TULP4: variants seen among roughly 807,000 people sequenced by gnomAD.
TULP4 encodes the protein TUB like protein 4, also known as tubby-related protein 4.
TULP4 carries 16 observed loss-of-function variants against 129.0 expected under a neutral mutation model. That is an observed-to-expected ratio of 0.12 (90% CI 0.08 to 0.19). The LOEUF (loss-of-function observed/expected upper bound fraction) is 0.19, where lower values mean the gene tolerates loss of function less well. Ranked by LOEUF, TULP4 falls within the 10% of genes least tolerant of loss-of-function variation. The pLI is 1.00. For synonymous variants in TULP4, 998 were observed against 854.0 expected, an observed-to-expected ratio of 1.17 and a Z score of -2.94; for missense variants, 1,842 against 2,059.1, an observed-to-expected ratio of 0.89 and a Z score of 2.04.
At chr6:158,259,636 C>T (rs1180298472) in intron 1 of TULP4, among the ~76,000 whole-genome samples, 4 of 152,212 alleles carry the variant, frequency 2.6e-5, no homozygotes, top group African/African-American at 4.8e-5. Context: ...CACTTCAACT[C>T]GGTTCTGACA....
At position 158,510,926 on chromosome 6, in the gene TULP4, A is replaced by C. The variant is rs1279449564; in HGVS notation, c.*4232A>C. ...GTCCATGGTGTCGCTGTGTGCCTGT[A>C]TCATTTGGCCAAGTCAATGGTTGTA... On this transcript the variant is annotated 3_prime_UTR_variant, in exon 14 of 14. Coordinates refer to ENST00000367097, the MANE Select transcript of TULP4 (RefSeq NM_020245.5). The C allele has an allele frequency of 6.6e-6, 1 of 152,250 alleles. No individual in the cohort carries two copies. 9.4% of individuals were successfully genotyped at this position (152,250 alleles called of 1,614,324 possible). A position where few individuals can be genotyped will look rare whatever the true frequency, so the allele number is the denominator to read the frequency against.
chr6:158,368,152 T>G (rs1776980722), intron 1 of TULP4, among the ~76,000 whole-genome samples: 1 of 151,976 alleles, frequency 6.6e-6, no homozygotes, highest in Non-Finnish European at 1.5e-5. Context: ...TAAATTTTCT[T>G]TCTGTGATTC....
chr6:158,391,548 TTCAC>T (rs1423054146), intron 1 of TULP4, among the ~76,000 whole-genome samples: 1 of 152,212 alleles, frequency 6.6e-6, no homozygotes, highest in Non-Finnish European at 1.5e-5. Context: ...AGTGACATTT[TTCAC>T]TAAGACAAAA....
rs758842987 is a variant in TULP4 at position 158,429,904 on chromosome 6, CT to C, written c.543+9del. 7 of 1,612,804 alleles carry C rather than the reference CT, an allele frequency of 4.3e-6. No homozygotes were observed. Among genetic ancestry groups the C allele is most frequent in the Non-Finnish European group, 5.9e-6 (7 of 1,179,482 alleles). On this transcript the variant is annotated splice_region_variant and intron_variant, in intron 3 of 13. Coordinates refer to ENST00000367097, the MANE Select transcript of TULP4 (RefSeq NM_020245.5). The stretch of plus-strand genomic sequence containing the variant: ...GACTCCTGACGACCAACAGGTAACA[CT>C]TCTGAAATGTGGTGGGTGTGTGACG...
chr6:158,317,828 T>C (rs1229428353), intron 1 of TULP4, among the ~76,000 whole-genome samples: 1 of 152,228 alleles, frequency 6.6e-6, no homozygotes, highest in African/African-American at 2.4e-5. Flanking sequence ...TGTTGTTTCC[T>C]GACTTTTTAA....
intron 3 of TULP4, among the ~76,000 whole-genome samples, chr6:158,444,035 C>A (rs539122849): frequency 2.6e-4 from 40 of 151,568 alleles, no homozygotes; most frequent in African/African-American, 9.2e-4. Flanking sequence ...CTGGCTAACA[C>A]GGTGAAACCC....
intron 8 of TULP4, among the ~76,000 whole-genome samples, chr6:158,487,234 G>A (rs1462407879): frequency 5.3e-5 from 8 of 152,124 alleles, no homozygotes; most frequent in Non-Finnish European, 1.0e-4. Context: ...ACTCCAGCCT[G>A]GGTGACAGAG....
In TULP4 at chr6:158,313,234, G is replaced by A; in HGVS notation, c.-783G>A. Reference sequence around the variant, plus strand: ...ATGGCACTGAGGGGTGCGCCGGCTGGTGGAGGAGCAGTCCGATGGAGCCCT... The same window carrying A: ...ATGGCACTGAGGGGTGCGCCGGCTGATGGAGGAGCAGTCCGATGGAGCCCT... On this transcript the variant is annotated 5_prime_UTR_variant, in exon 1 of 14. The change creates a new upstream start codon in the 5' untranslated region. Coordinates refer to ENST00000367097, the MANE Select transcript of TULP4 (RefSeq NM_020245.5). 2.8e-6 allele frequency: 1 copy of A among 359,044 alleles called. No homozygotes were observed. Among genetic ancestry groups the A allele is most frequent in the Non-Finnish European group, 4.9e-6 (1 of 202,168 alleles). 22.2% of individuals were successfully genotyped at this position (359,044 alleles called of 1,614,324 possible). A position where few individuals can be genotyped will look rare whatever the true frequency, so the allele number is the denominator to read the frequency against.
chr6:158,313,906 A>T lies in TULP4; in HGVS notation c.-111A>T. 2 of 1,301,918 alleles carry T rather than the reference A, an allele frequency of 1.5e-6. No individual in the cohort carries two copies. The highest frequency in any genetic ancestry group is 2.1e-6 in the Non-Finnish European group (2 of 963,616). The allele number at this position is 1,301,918 out of a possible 1,614,324, so 80.6% of individuals were successfully genotyped here. A position where few individuals can be genotyped will look rare whatever the true frequency, so the allele number is the denominator to read the frequency against. ...TCAGGTCAGTCTTAATTAAAGGGGGAAAAAAGCAACGCAAGCCAACCACAA... is the reference window on the plus strand; with the variant it reads ...TCAGGTCAGTCTTAATTAAAGGGGGTAAAAAGCAACGCAAGCCAACCACAA... On this transcript the variant is annotated 5_prime_UTR_variant, in exon 1 of 14. Transcript: ENST00000367097.
Position 158,507,193 on chromosome 6 carries a change from T to C in TULP4, c.*499T>C, listed in dbSNP as rs1254354582. The C allele has an allele frequency of 6.2e-6, 1 of 160,290 alleles. No homozygotes were observed. Among genetic ancestry groups the C allele is most frequent in the Non-Finnish European group, 1.4e-5 (1 of 72,114 alleles). 9.9% of individuals were successfully genotyped at this position (160,290 alleles called of 1,614,324 possible). ...GACAGCATTTGATTTACACTGATTA[T>C]GTTACTCCCCAAAAGGTGACTTAAT... On this transcript the variant is annotated 3_prime_UTR_variant, in exon 14 of 14. Coordinates refer to ENST00000367097, the MANE Select transcript of TULP4 (RefSeq NM_020245.5).
chr6:158,424,988 C>T (rs987093654), intron 2 of TULP4, among the ~76,000 whole-genome samples: 2 of 150,964 alleles, frequency 1.3e-5, no homozygotes, highest in Non-Finnish European at 2.9e-5. Context: ...CCCGTCTCTA[C>T]TAAAAATACA....
At position 158,300,956 on chromosome 6, in the gene TULP4, C is replaced by T. The variant is rs534295428; in HGVS notation, n.117-11095C>T. ...TGGAACTCCTGAGCTTCTCGGATTG[C>T]AATAGAGACCAGTCGACCTTATCGT... On this transcript the variant is annotated intron_variant and non_coding_transcript_variant, in intron 1 of 1. Coordinates refer to the TULP4 transcript ENST00000432358. 2.0e-5 allele frequency among the ~76,000 whole-genome samples: 3 copies of T among 152,244 alleles called. No individual in the cohort carries two copies. In the East Asian group the frequency reaches 5.8e-4, roughly 29 times the overall value.
intron 1 of TULP4, among the ~76,000 whole-genome samples, chr6:158,371,925 C>T (rs920037834): frequency 2.0e-5 from 3 of 152,150 alleles, no homozygotes; most frequent in African/African-American, 7.2e-5. Context: ...GGTGATCCTC[C>T]CACCTCAGCC....
At position 158,429,200 on chromosome 6, in the gene TULP4, G is replaced by T. The variant is rs576580038; in HGVS notation, c.382-536G>T. On this transcript the variant is annotated intron_variant, in intron 2 of 13. Coordinates refer to ENST00000367097, the MANE Select transcript of TULP4 (RefSeq NM_020245.5). The stretch of plus-strand genomic sequence containing the variant: ...GTTGCCCAGGCTGGAGTGCAGTGGC[G>T]CTATCTTGGCTCACTGCAACCTCTT... Among the ~76,000 whole-genome samples the T allele has an allele frequency of 2.6e-5, 4 of 152,228 alleles. No individual in the cohort carries two copies. The East Asian group carries it at 7.7e-4, about 29-fold the overall frequency.
At chr6:158,319,878 G>A (rs994577026) in intron 1 of TULP4, among the ~76,000 whole-genome samples, 3 of 152,272 alleles carry the variant, frequency 2.0e-5, no homozygotes, top group South Asian at 2.1e-4. Context: ...TTCTTATCCT[G>A]TGATACATAG....
intron 11 of TULP4, 128 bp from the exon 12 acceptor site, chr6:158,498,541 C>A: frequency 8.5e-7 from 1 of 1,172,960 alleles, no homozygotes; most frequent in Non-Finnish European, 1.2e-6. Flanking sequence ...CCTCTGGGCC[C>A]TGCCTACACA....
intron 1 of TULP4, among the ~76,000 whole-genome samples, chr6:158,363,740 C>T (rs1780853575): frequency 6.6e-6 from 1 of 152,160 alleles, no homozygotes; most frequent in African/African-American, 2.4e-5. Flanking sequence ...CCCCCCCGGC[C>T]TCCCAAAGTG....
At chr6:158,391,404 G>A (rs1301585409) in intron 1 of TULP4, among the ~76,000 whole-genome samples, 1 of 152,196 alleles carries the variant, frequency 6.6e-6, no homozygotes, top group Non-Finnish European at 1.5e-5. Flanking sequence ...GGCAAAGGCA[G>A]GGAGCCATGA....
intron 1 of TULP4, among the ~76,000 whole-genome samples, chr6:158,387,339 G>T (rs973837548): frequency 6.6e-6 from 1 of 151,998 alleles, no homozygotes; most frequent in African/African-American, 2.4e-5. Flanking sequence ...ATTTCATGAC[G>T]TTCTGCAACA....
Sources: allele counts gnomAD v4.1 joint callset (sites outside exome capture counted in the v4.1 genomes callset), GRCh38; gene constraint gnomAD v4.1.1; transcripts MANE v1.5; gene names NCBI Gene and HGNC (gene_info 2026-07-23, HGNC 2026-07-21).